LRBA: variants seen among roughly 807,000 people sequenced by gnomAD.
LRBA encodes lipopolysaccharide-responsive and beige-like anchor protein.
Under a neutral mutation model 330.0 loss-of-function variants are expected in LRBA, and 176 were observed. The ratio of observed to expected loss-of-function variants is 0.53; its 90% CI spans 0.47 to 0.60. The LOEUF (loss-of-function observed/expected upper bound fraction) is 0.60. LRBA is among the 20% of genes least tolerant of loss of function. LRBA has a pLI of 0.00. For missense variants in LRBA, 3,259 were observed against 3,444.8 expected, an observed-to-expected ratio of 0.95 and a Z score of 1.35; for synonymous variants, 1,230 against 1,193.0, an observed-to-expected ratio of 1.03 and a Z score of -0.64.
At position 150,265,704 on chromosome 4, in the gene LRBA, G is replaced by A. The variant is rs770575641; in HGVS notation, c.*18C>T. On this transcript the variant is annotated 3_prime_UTR_variant, in exon 57 of 57. Transcript: ENST00000651943. ...TTCTGCTCATCCTAGGGGCAGAGTT[G>A]ATGTACAGCTGTCACCATCAGTAGC... is the stretch of plus-strand genomic sequence containing the variant. The A allele has an allele frequency of 2.0e-6, 3 of 1,534,320 alleles. No individual in the cohort carries two copies. Among genetic ancestry groups the A allele is most frequent in the Non-Finnish European group, 2.7e-6 (3 of 1,107,226 alleles).
intron 37 of LRBA, among the ~76,000 whole-genome samples, chr4:150,618,583 G>C (rs1775993176): frequency 6.6e-6 from 1 of 151,834 alleles, no homozygotes; most frequent in Non-Finnish European, 1.5e-5. Context: ...AAAGCCCTAA[G>C]TTTAGAAATA....
intron 53 of LRBA, among the ~76,000 whole-genome samples, chr4:150,289,194 G>A (rs909069144): frequency 2.6e-5 from 4 of 152,062 alleles, no homozygotes; most frequent in Non-Finnish European, 5.9e-5. Context: ...TTGTAAACTC[G>A]TAAGATTTTT....
At chr4:150,652,893 T>G (rs1328912074) in intron 37 of LRBA, among the ~76,000 whole-genome samples, 1 of 152,234 alleles carries the variant, frequency 6.6e-6, no homozygotes, top group African/African-American at 2.4e-5. Flanking sequence ...TCTGTGAATC[T>G]AGGTACTGTC....
At chr4:150,576,285 A>C (rs565101217) in intron 40 of LRBA, among the ~76,000 whole-genome samples, 1 of 151,808 alleles carries the variant, frequency 6.6e-6, no homozygotes, top group African/African-American at 2.4e-5. Context: ...TATGTAAATA[A>C]AAGAATGTAG....
At position 150,495,280 on chromosome 4, in the gene LRBA, G is replaced by T. The variant is rs115714615; in HGVS notation, c.6331-4245C>A. Among the ~76,000 whole-genome samples the T allele has an allele frequency of 4.2e-3, 632 of 151,990 alleles. 3 individuals carry two copies. Among genetic ancestry groups the T allele is most frequent in the Non-Finnish European group, 6.9e-3 (469 of 67,986 alleles). On this transcript the variant is annotated intron_variant, in intron 40 of 56. Coordinates refer to ENST00000651943, the MANE Select transcript of LRBA (RefSeq NM_001364905.1). ...CATAAATAACATACCACATCACTTT[G>T]TATGTTTTCAAACCTGATATAAATG... is the stretch of plus-strand genomic sequence containing the variant.
chr4:150,744,146 A>G lies in LRBA; in HGVS notation c.5646-8780T>C, dbSNP rs905616026. 3.3e-5 allele frequency among the ~76,000 whole-genome samples: 5 copies of G among 152,206 alleles called. No individual in the cohort carries two copies. In the South Asian group the frequency reaches 1.0e-3, roughly 32 times the overall value. ...CCCTAGTGTAATTTTAAAACCCACT[A>G]ATGAATAACTTCCTCTGATTCTACG... On this transcript the variant is annotated intron_variant, in intron 35 of 56. Coordinates refer to ENST00000651943, the MANE Select transcript of LRBA (RefSeq NM_001364905.1).
chr4:150,869,180 A>C (rs1753117658), intron 20 of LRBA, among the ~76,000 whole-genome samples: 1 of 151,428 alleles, frequency 6.6e-6, no homozygotes, highest in Non-Finnish European at 1.5e-5. Context: ...TGGCGTCCCA[A>C]AGTGCTGGGA....
At chr4:150,747,604 T>A (rs1173114249) in intron 35 of LRBA, among the ~76,000 whole-genome samples, 3 of 152,220 alleles carry the variant, frequency 2.0e-5, no homozygotes, top group Non-Finnish European at 4.4e-5. Context: ...TAGGACTATA[T>A]ACAAACAGCA....
At chr4:150,670,279 G>A (rs902587173) in intron 37 of LRBA, among the ~76,000 whole-genome samples, 1 of 152,104 alleles carries the variant, frequency 6.6e-6, no homozygotes, top group Non-Finnish European at 1.5e-5. Context: ...GTAAAGAAGA[G>A]CTGTCTCTTA....
intron 40 of LRBA, among the ~76,000 whole-genome samples, chr4:150,548,482 C>T (rs113740879): frequency 1.3e-4 from 19 of 151,508 alleles, no homozygotes; most frequent in African/African-American, 4.3e-4. Flanking sequence ...ACATACTCTA[C>T]CAAAACAATA....
At chr4:150,747,352 T>C (rs1732884736) in intron 35 of LRBA, among the ~76,000 whole-genome samples, 1 of 152,260 alleles carries the variant, frequency 6.6e-6, no homozygotes, top group Admixed American at 6.5e-5. Flanking sequence ...AAACTTTCTG[T>C]ATAACACAAT....
intron 37 of LRBA, among the ~76,000 whole-genome samples, chr4:150,640,068 G>T (rs1028974486): frequency 1.5e-4 from 22 of 151,004 alleles, no homozygotes; most frequent in African/African-American, 5.4e-4. Context: ...ATGTTAGCCA[G>T]GCTGGTCTTG....
At chr4:150,589,118 A>C (rs568715667) in intron 39 of LRBA, among the ~76,000 whole-genome samples, 1 of 152,000 alleles carries the variant, frequency 6.6e-6, no homozygotes, top group African/African-American at 2.4e-5. Context: ...TTCCATTATC[A>C]ATTCCTCATG....
intron 51 of LRBA, among the ~76,000 whole-genome samples, chr4:150,313,878 T>G (rs1731386336): frequency 6.7e-6 from 1 of 150,136 alleles, no homozygotes; most frequent in South Asian, 2.1e-4. Context: ...AAGGTAATTT[T>G]ATATAATATT....
At position 150,277,721 on chromosome 4, in the gene LRBA, C is replaced by T. The variant is rs56145629; in HGVS notation, c.8468+132G>A. ...CTTGCAATGTTGCCCAGGCTGGCTT[C>T]GAACTCCTGGGCTCAAGTGATTCTC... On this transcript the variant is annotated intron_variant, in intron 56 of 56. Transcript: ENST00000651943. The T allele has an allele frequency of 0.087, 83,902 of 961,070 alleles. 5,959 individuals are homozygous for T. Among genetic ancestry groups the T allele is most frequent in the Admixed American group, 0.27 (11,528 of 42,806 alleles). 59.5% of individuals were successfully genotyped at this position (961,070 alleles called of 1,614,324 possible).
At chr4:150,498,001 T>C (rs1033881600) in intron 40 of LRBA, among the ~76,000 whole-genome samples, 2 of 152,210 alleles carry the variant, frequency 1.3e-5, no homozygotes, top group African/African-American at 4.8e-5. Context: ...TGCAAAGTAA[T>C]GCAATTTTTC....
chr4:150,928,813 G>A, intron 3 of LRBA, 21 bp downstream of exon 3: 7 of 1,551,880 alleles, frequency 4.5e-6, no homozygotes, highest in Non-Finnish European at 6.2e-6. Flanking sequence ...TGCATATATT[G>A]TACTATAGAA....
In LRBA at chr4:150,642,681, T is replaced by C. The variant is rs554583281; in HGVS notation, c.5921+40870A>G. ...TCTGCATATAATATATTGAAAAATA[T>C]TATTTAATCTAAATTCAATAAGATA... On this transcript the variant is annotated intron_variant, in intron 37 of 56. Coordinates refer to ENST00000651943, the MANE Select transcript of LRBA (RefSeq NM_001364905.1). 3.3e-5 allele frequency among the ~76,000 whole-genome samples: 5 copies of C among 152,050 alleles called. No individual in the cohort carries two copies. In the South Asian group the frequency reaches 6.2e-4, roughly 19 times the overall value.
chr4:150,559,947 A>AAT (rs1232822542), intron 40 of LRBA, among the ~76,000 whole-genome samples: 7 of 101,002 alleles, frequency 6.9e-5, no homozygotes, highest in Admixed American at 1.5e-4. Context: ...TATCTATATA[A>AAT]ATATATATAT....
Sources: allele counts gnomAD v4.1 joint callset (sites outside exome capture counted in the v4.1 genomes callset), GRCh38; gene constraint gnomAD v4.1.1; transcripts MANE v1.5; gene names NCBI Gene and HGNC (gene_info 2026-07-23, HGNC 2026-07-21).